Variants in BBS7 observed in about 807,000 individuals in gnomAD.
BBS7 encodes the protein Bardet-Biedl syndrome 7, also known as BBSome complex member BBS7.
A neutral mutation model predicts 90.3 loss-of-function variants in BBS7; 50 were observed. That is an observed-to-expected ratio of 0.55 (90% CI 0.44 to 0.70). The LOEUF (loss-of-function observed/expected upper bound fraction) is 0.70, where lower values mean the gene tolerates loss of function less well. Among genes scored for constraint, BBS7 ranks in the 30% least tolerant of loss-of-function variants. BBS7 has a pLI of 0.00. For missense variants in BBS7, 729 were observed against 838.9 expected, an observed-to-expected ratio of 0.87 and a Z score of 1.62; for synonymous variants, 235 against 287.4, an observed-to-expected ratio of 0.82 and a Z score of 1.85.
At chr4:121,853,115 T>A (rs185927702) in intron 7 of BBS7, 29 bp from the exon 8 acceptor site, 1 of 1,602,430 alleles carries the variant, frequency 6.2e-7, no homozygotes, top group Non-Finnish European at 8.5e-7. Context: ...GATAAGTTAT[T>A]AAGAAGACTA....
chr4:121,833,168 GA>G lies in BBS7; in HGVS notation c.1676+62del, dbSNP rs1381824680. 8.5e-6 allele frequency: 13 copies of G among 1,525,156 alleles called. No homozygotes were observed. In the Admixed American group the frequency reaches 2.2e-4, roughly 26 times the overall value. 94.5% of individuals were successfully genotyped at this position (1,525,156 alleles called of 1,614,324 possible). A position where few individuals can be genotyped will look rare whatever the true frequency, so the allele number is the denominator to read the frequency against. ...CTCACAAATAACTCCTAACTTAAAG[GA>G]AAACTTAGAAGCTACATTTATATAA... is the stretch of plus-strand genomic sequence containing the variant. On this transcript the variant is annotated intron_variant, in intron 15 of 18. Transcript: ENST00000264499.
At chr4:121,861,106 G>A (rs1488375918) in intron 4 of BBS7, among the ~76,000 whole-genome samples, 1 of 152,068 alleles carries the variant, frequency 6.6e-6, no homozygotes, top group African/African-American at 2.4e-5. Flanking sequence ...AGTCTTACCT[G>A]ATATACCTGA....
chr4:121,864,551 T>A (rs893406009), intron 2 of BBS7, among the ~76,000 whole-genome samples: 56 of 152,210 alleles, frequency 3.7e-4, no homozygotes, highest in Non-Finnish European at 6.3e-4. Flanking sequence ...ATAATTTTTT[T>A]AAAATAAAAT....
At chr4:121,855,695 C>A in intron 5 of BBS7, 134 bp from the exon 6 acceptor site, 1 of 812,868 alleles carries the variant, frequency 1.2e-6, no homozygotes, top group Non-Finnish European at 2.0e-6. Flanking sequence ...AATTAGGTTA[C>A]GAATACAACT....
At chr4:121,833,678 G>A (rs1725307419) in intron 14 of BBS7, among the ~76,000 whole-genome samples, 2 of 151,814 alleles carry the variant, frequency 1.3e-5, no homozygotes, top group Non-Finnish European at 2.9e-5. Flanking sequence ...TCATTTATTT[G>A]GGTATATTTC....
At chr4:121,867,174 A>G (rs1444109022) in intron 2 of BBS7, among the ~76,000 whole-genome samples, 1 of 151,662 alleles carries the variant, frequency 6.6e-6, no homozygotes, top group Non-Finnish European at 1.5e-5. Context: ...TAAGTATTTT[A>G]TCTTTTATCT....
rs547777095 is a variant in BBS7, at chr4:121,833,384, G to A, written c.1523C>T (p.Thr508Ile). 2 of 1,613,930 alleles carry A rather than the reference G, an allele frequency of 1.2e-6. No homozygotes were observed. The highest frequency in any genetic ancestry group is 2.2e-5 in the East Asian group (1 of 44,854). Residue 508 changes from threonine to isoleucine, a missense_variant, in exon 15 of 19, where the codon ACA becomes ATA. Coordinates refer to ENST00000264499, the MANE Select transcript of BBS7 (RefSeq NM_176824.3). ...HFIDHDRPMN[T>I]LTLTGQFSFA... ...ACTGAACTGGCCTGTTAGGGTCAGTGTATTCATGGGTCTGTAATATAATAG... is the reference window on the plus strand; with the variant it reads ...ACTGAACTGGCCTGTTAGGGTCAGTATATTCATGGGTCTGTAATATAATAG...
chr4:121,864,882 C>T (rs1727174829), intron 2 of BBS7, among the ~76,000 whole-genome samples: 1 of 152,136 alleles, frequency 6.6e-6, no homozygotes, highest in South Asian at 2.1e-4. Flanking sequence ...ATCTAAAATA[C>T]TGATCATTTC....
chr4:121,828,004 G>A (rs1185995378), intron 18 of BBS7, 142 bp downstream of exon 18: 2 of 1,483,980 alleles, frequency 1.3e-6, no homozygotes, highest in Non-Finnish European at 1.8e-6. Flanking sequence ...CAATAAATTT[G>A]TTGTCAACTG....
rs931695145 is a variant in BBS7, at chr4:121,845,261, G to C, written c.1230+243C>G. ...CACATACCTGTAGTCCCAGCTACTC[G>C]GGAGGCTGAGGCAGGAGAATCACTT... On this transcript the variant is annotated intron_variant, in intron 11 of 18. Transcript: ENST00000264499. Among the ~76,000 whole-genome samples, 23 of 151,916 alleles carry C rather than the reference G, an allele frequency of 1.5e-4. 1 individual carries two copies.
At chr4:121,862,308 T>C (rs1272225477) in intron 3 of BBS7, among the ~76,000 whole-genome samples, 1 of 152,192 alleles carries the variant, frequency 6.6e-6, no homozygotes, top group Non-Finnish European at 1.5e-5. Flanking sequence ...TTTGTGGTTA[T>C]TTTCCATTTT....
chr4:121,845,481 A>G, intron 11 of BBS7, 23 bp downstream of exon 11: 1 of 1,590,272 alleles, frequency 6.3e-7, no homozygotes. Flanking sequence ...TCATAAAACT[A>G]AGAAATTAGA....
chr4:121,849,392 G>C lies in BBS7; in HGVS notation c.850-464C>G, dbSNP rs182094079. Among the ~76,000 whole-genome samples, 33 of 152,236 alleles carry C rather than the reference G, an allele frequency of 2.2e-4. 1 individual carries two copies. Among genetic ancestry groups the C allele is most frequent in the African/African-American group, 7.7e-4 (32 of 41,548 alleles). Reference sequence around the variant, plus strand: ...ATTTTTGTATTTTTTTGTAGACATGGGGTGTTGCCATGTTTTCCAGGCTGG... The same window carrying C: ...ATTTTTGTATTTTTTTGTAGACATGCGGTGTTGCCATGTTTTCCAGGCTGG... On this transcript the variant is annotated intron_variant, in intron 8 of 18. Transcript: ENST00000264499.
At chr4:121,831,400 GCAGGAGGATTGCTTGAAGC>G (rs1725174573) in intron 15 of BBS7, among the ~76,000 whole-genome samples, 1 of 151,880 alleles carries the variant, frequency 6.6e-6, no homozygotes, top group African/African-American at 2.4e-5. Context: ...GGAGGCTGAG[GCAGGAGGATTGCTTGAAGC>G]CAGGAGTTTG....
intron 2 of BBS7, among the ~76,000 whole-genome samples, 165 bp downstream of exon 2, chr4:121,867,816 T>C (rs954971014): frequency 2.0e-5 from 3 of 152,232 alleles, no homozygotes; most frequent in African/African-American, 4.8e-5. Context: ...AAAATTATTG[T>C]CTATAAATGT....
Position 121,824,669 on chromosome 4 carries a change from G to C in BBS7, c.*1191C>G, listed in dbSNP as rs2149044463. 6.6e-6 allele frequency: 1 copy of C among 152,052 alleles called. No individual in the cohort carries two copies. The highest frequency in any genetic ancestry group is 2.1e-4 in the South Asian group (1 of 4,826). The allele number at this position is 152,052 out of a possible 1,614,324, so 9.4% of individuals were successfully genotyped here. A position where few individuals can be genotyped will look rare whatever the true frequency, so the allele number is the denominator to read the frequency against. On this transcript the variant is annotated 3_prime_UTR_variant, in exon 19 of 19. Transcript: ENST00000264499. The surrounding 1 kb of genome is among the most constrained non-coding windows in gnomAD (Gnocchi z 4.1). Reference sequence around the variant, plus strand: ...AACACAATGACGTTCTAGTGACCTAGATATAATTATGTTCCTTTCAGAAGT... The same window carrying C: ...AACACAATGACGTTCTAGTGACCTACATATAATTATGTTCCTTTCAGAAGT...
Position 121,862,085 on chromosome 4 carries a change from G to A in BBS7, c.166-406C>T, listed in dbSNP as rs969832326. On this transcript the variant is annotated intron_variant, in intron 3 of 18. Coordinates refer to ENST00000264499, the MANE Select transcript of BBS7 (RefSeq NM_176824.3). ...GATTAACAATACTCCTACGAACAGG[G>A]AAGTCCATTTGGCAAATTCTTTAAT... Among the ~76,000 whole-genome samples, 4 of 152,224 alleles carry A rather than the reference G, an allele frequency of 2.6e-5. No homozygotes were observed. The East Asian group carries it at 7.7e-4, about 29-fold the overall frequency.
intron 13 of BBS7, among the ~76,000 whole-genome samples, chr4:121,837,949 C>G (rs1171478458): frequency 3.3e-5 from 5 of 151,578 alleles, no homozygotes; most frequent in Non-Finnish European, 7.4e-5. Context: ...TACTAAAATA[C>G]AAAAATTAGC....
rs559441457 is a variant in BBS7 at position 121,861,902 on chromosome 4, G to C, written c.166-223C>G. ...CCACACATATTTGAATGATGTCATT[G>C]AAATCTAAATCCTTGTAATTCAAAG... On this transcript the variant is annotated intron_variant, in intron 3 of 18. Transcript: ENST00000264499. 6.6e-5 allele frequency among the ~76,000 whole-genome samples: 10 copies of C among 152,176 alleles called. No individual in the cohort carries two copies. In the East Asian group the frequency reaches 1.9e-3, roughly 29 times the overall value.
Sources: allele counts gnomAD v4.1 joint callset (sites outside exome capture counted in the v4.1 genomes callset), GRCh38; gene constraint gnomAD v4.1.1; non-coding constraint Gnocchi (gnomAD v3.1); transcripts MANE v1.5; gene names NCBI Gene and HGNC (gene_info 2026-07-23, HGNC 2026-07-21).